ITPRIPL2: variants seen among roughly 807,000 people sequenced by gnomAD.
ITPRIPL2 encodes the protein ITPRIP like 2.
A neutral mutation model predicts 31.7 loss-of-function variants in ITPRIPL2; 29 were observed. That is an observed-to-expected ratio of 0.91 (90% confidence interval 0.68 to 1.25). The LOEUF is 1.25. ITPRIPL2 is among the 50% of genes most tolerant of loss of function. The pLI is 0.00. For missense variants in ITPRIPL2, 696 were observed against 739.1 expected (o/e 0.94, Z 0.68); for synonymous variants, 344 against 343.4 (o/e 1.00, Z -0.02).
rs904167973 is a variant in ITPRIPL2 at position 19,118,580 on chromosome 16, G to A, written c.*2511G>A. ...ATAAATCTGGTAACATACTGTTCTT[G>A]TAGTTTTTTGTTAGTTTTGTTTTTC... On this transcript the variant is annotated 3_prime_UTR_variant, in exon 1 of 1. Coordinates refer to ENST00000381440, the MANE Select transcript of ITPRIPL2 (RefSeq NM_001034841.4). 1 of 170,286 alleles carries A rather than the reference G, an allele frequency of 5.9e-6. No homozygotes were observed. The highest frequency in any genetic ancestry group is 1.4e-5 in the Non-Finnish European group (1 of 70,718). 10.5% of individuals were successfully genotyped at this position (170,286 alleles called of 1,614,324 possible).
At position 19,114,894 on chromosome 16, in the gene ITPRIPL2, G is replaced by A; in HGVS notation, c.433G>A (p.Gly145Arg). 6.2e-7 allele frequency: 1 copy of A among 1,609,534 alleles called. No individual in the cohort carries two copies. Among genetic ancestry groups the A allele is most frequent in the South Asian group, 1.1e-5 (1 of 90,858 alleles). Reference sequence around the variant, plus strand: ...CCGGGGGTCCCCCGGTCTCATTCCTGGGGGAGCGCTGGCCTTGGCCTTCCG... The same window carrying A: ...CCGGGGGTCCCCCGGTCTCATTCCTAGGGGAGCGCTGGCCTTGGCCTTCCG... ...RARGSPGLIP[G>R]GALALAFRGD... is the part of the protein sequence containing the mutation. The change falls in exon 1 of 1, where the codon GGG becomes AGG. Residue 145 changes from glycine to arginine, a missense_variant. Physicochemically the swap from Gly to Arg is moderately radical, Grantham distance 125. Transcript: ENST00000381440.
Position 19,119,133 on chromosome 16 carries a change from A to C in ITPRIPL2, c.*3064A>C. 2.4e-6 allele frequency: 1 copy of C among 413,406 alleles called. No homozygotes were observed. The highest frequency in any genetic ancestry group is 2.1e-5 in the African/African-American group (1 of 48,730). 25.6% of individuals were successfully genotyped at this position (413,406 alleles called of 1,614,324 possible). A position where few individuals can be genotyped will look rare whatever the true frequency, so the allele number is the denominator to read the frequency against. On this transcript the variant is annotated 3_prime_UTR_variant, in exon 1 of 1. Transcript: ENST00000381440. ...TGACCAGTCTTGGGAGCCTTCCTGG[A>C]ATGATCGTGGGCTGAGCGGAGATGT...
chr16:19,114,238 G>A lies in ITPRIPL2; in HGVS notation c.-224G>A. On this transcript the variant is annotated 5_prime_UTR_variant, in exon 1 of 1. Coordinates refer to ENST00000381440, the MANE Select transcript of ITPRIPL2 (RefSeq NM_001034841.4). ...GCGCAGCCGGGGCAGGGCGCGGCCC[G>A]GGGCCCGAGAGCGCAGGGCGGGCCG... The A allele has an allele frequency of 3.0e-6, 1 of 335,914 alleles. No homozygotes were observed. The allele number at this position is 335,914 out of a possible 1,614,324, so 20.8% of individuals were successfully genotyped here.
In ITPRIPL2 at chr16:19,116,825, A is replaced by G. The variant is rs1963450294; in HGVS notation, c.*756A>G. 1.2e-5 allele frequency: 2 copies of G among 167,120 alleles called. No homozygotes were observed. The highest frequency in any genetic ancestry group is 4.8e-5 in the African/African-American group (2 of 41,472). 10.4% of individuals were successfully genotyped at this position (167,120 alleles called of 1,614,324 possible). A position where few individuals can be genotyped will look rare whatever the true frequency, so the allele number is the denominator to read the frequency against. Reference sequence around the variant, plus strand: ...TCTGAAAGGGAAGCCAGTTATATTTATTATTAAATGTACAACCTTGAAAAG... The same window carrying G: ...TCTGAAAGGGAAGCCAGTTATATTTGTTATTAAATGTACAACCTTGAAAAG... On this transcript the variant is annotated 3_prime_UTR_variant, in exon 1 of 1. Transcript: ENST00000381440.
rs1567551163 is a variant in ITPRIPL2, at chr16:19,115,539, AG to A, written c.1079del (p.Ser360IlefsTer113). 5 of 1,602,690 alleles carry A rather than the reference AG, an allele frequency of 3.1e-6. No individual in the cohort carries two copies. The highest frequency in any genetic ancestry group is 4.2e-6 in the Non-Finnish European group (5 of 1,178,288). The part of the protein sequence containing the change: ...NTARQEQKLL[S>X]WLQERAAPGA... The stretch of plus-strand genomic sequence containing the variant: ...AGCACGCCAGGAGCAGAAGCTGCTG[AG>A]TTGGCTGCAGGAACGGGCAGCTCCA... On this transcript the variant is annotated frameshift_variant, in exon 1 of 1. Coordinates refer to ENST00000381440, the MANE Select transcript of ITPRIPL2 (RefSeq NM_001034841.4). LOFTEE classifies it high-confidence loss of function.
rs1171778577 is a variant in ITPRIPL2, at chr16:19,114,039, C to G, written c.-423C>G. On this transcript the variant is annotated 5_prime_UTR_variant, in exon 1 of 1. Transcript: ENST00000381440. ...CCGCTAGCTGGCGCGGCCTCGCCTCCCCCTCGGAAGAGGAAACTCCCGGGG... is the reference window on the plus strand; with the variant it reads ...CCGCTAGCTGGCGCGGCCTCGCCTCGCCCTCGGAAGAGGAAACTCCCGGGG... The G allele has an allele frequency of 2.5e-6, 1 of 397,662 alleles. No individual in the cohort carries two copies. The highest frequency in any genetic ancestry group is 4.4e-6 in the Non-Finnish European group (1 of 225,394). 24.6% of individuals were successfully genotyped at this position (397,662 alleles called of 1,614,324 possible). A position where few individuals can be genotyped will look rare whatever the true frequency, so the allele number is the denominator to read the frequency against.
chr16:19,114,225 C>T lies in ITPRIPL2; in HGVS notation c.-237C>T, dbSNP rs1054738344. ...GGCCGGACTCAGCGCGCAGCCGGGG[C>T]AGGGCGCGGCCCGGGGCCCGAGAGC... is the stretch of plus-strand genomic sequence containing the variant. On this transcript the variant is annotated 5_prime_UTR_variant, in exon 1 of 1. Transcript: ENST00000381440. 9.3e-6 allele frequency: 3 copies of T among 324,036 alleles called. No individual in the cohort carries two copies. The highest frequency in any genetic ancestry group is 1.7e-5 in the Non-Finnish European group (3 of 179,438). 20.1% of individuals were successfully genotyped at this position (324,036 alleles called of 1,614,324 possible). A position where few individuals can be genotyped will look rare whatever the true frequency, so the allele number is the denominator to read the frequency against.
chr16:19,114,534 T>C lies in ITPRIPL2; in HGVS notation c.73T>C (p.Cys25Arg), dbSNP rs1436166741. Residue 25 changes from cysteine (C) to arginine (R), a missense_variant, in exon 1 of 1, where the codon TGC (cysteine) becomes CGC (arginine). Transcript: ENST00000381440. ...GACCGGCCTGTGCACCGCCCTGGTG[T>C]GCCTCTACCATGTCCTGCGGGGAAG... ...LVTGLCTALV[C>R]LYHVLRGSGG... is the part of the protein sequence containing the mutation. 1.3e-6 allele frequency: 2 copies of C among 1,504,324 alleles called. No homozygotes were observed. The highest frequency in any genetic ancestry group is 2.2e-5 in the Admixed American group (1 of 44,824). 93.2% of individuals were successfully genotyped at this position (1,504,324 alleles called of 1,614,324 possible). A position where few individuals can be genotyped will look rare whatever the true frequency, so the allele number is the denominator to read the frequency against.
Position 19,119,530 on chromosome 16 carries a change from T to A in ITPRIPL2, c.*3461T>A, listed in dbSNP as rs1963487129. On this transcript the variant is annotated 3_prime_UTR_variant, in exon 1 of 1. Transcript: ENST00000381440. The stretch of plus-strand genomic sequence containing the variant: ...ATTTTTAAACAAGTAATTAAAAAAA[T>A]GTCCAAAACACCATGTGGGCCAAAC... The A allele has an allele frequency of 4.8e-5, 8 of 167,552 alleles. No homozygotes were observed. 10.4% of individuals were successfully genotyped at this position (167,552 alleles called of 1,614,324 possible).
rs541370056 is a variant in ITPRIPL2 at position 19,117,230 on chromosome 16, C to T, written c.*1161C>T. ...GCTGGGTCTCTAACCATTGATGGTT[C>T]TTCCTTGTCCAGGCAGTCTTACGTG... is the stretch of plus-strand genomic sequence containing the variant. On this transcript the variant is annotated 3_prime_UTR_variant, in exon 1 of 1. Coordinates refer to ENST00000381440, the MANE Select transcript of ITPRIPL2 (RefSeq NM_001034841.4). 1.8e-5 allele frequency: 3 copies of T among 167,268 alleles called. No homozygotes were observed. In the South Asian group the frequency reaches 6.2e-4, roughly 35 times the overall value. 10.4% of individuals were successfully genotyped at this position (167,268 alleles called of 1,614,324 possible). A position where few individuals can be genotyped will look rare whatever the true frequency, so the allele number is the denominator to read the frequency against.
Position 19,115,686 on chromosome 16 carries a change from A to ACAGTGCTGCTGG in ITPRIPL2, c.1237_1248dup (p.Ala413_Leu416dup). On this transcript the variant is annotated inframe_insertion, in exon 1 of 1. Coordinates refer to ENST00000381440, the MANE Select transcript of ITPRIPL2 (RefSeq NM_001034841.4). ...CATCCTATCCTCATATGTGCTCAAG[A>ACAGTGCTGCTGG]CAGTGCTGCTGGCAGTGCTGCTGCG... The ACAGTGCTGCTGG allele has an allele frequency of 1.9e-6, 3 of 1,612,786 alleles. No homozygotes were observed. Among genetic ancestry groups the ACAGTGCTGCTGG allele is most frequent in the Non-Finnish European group, 2.5e-6 (3 of 1,179,906 alleles).
chr16:19,119,021 T>C lies in ITPRIPL2; in HGVS notation c.*2952T>C, dbSNP rs1030732457. 2 of 413,342 alleles carry C rather than the reference T, an allele frequency of 4.8e-6. No homozygotes were observed. The highest frequency in any genetic ancestry group is 8.8e-6 in the Non-Finnish European group (2 of 226,136). 25.6% of individuals were successfully genotyped at this position (413,342 alleles called of 1,614,324 possible). Reference sequence around the variant, plus strand: ...AGTAACAACAGCAAAAAGAAAAAATTAGTTGTCCAGCCAGTGCTGGAGGAA... The same window carrying C: ...AGTAACAACAGCAAAAAGAAAAAATCAGTTGTCCAGCCAGTGCTGGAGGAA... On this transcript the variant is annotated 3_prime_UTR_variant, in exon 1 of 1. Transcript: ENST00000381440.
At position 19,120,323 on chromosome 16, in the gene ITPRIPL2, C is replaced by A. The variant is rs1441544788; in HGVS notation, c.*4254C>A. 1.3e-5 allele frequency: 2 copies of A among 157,918 alleles called. No individual in the cohort carries two copies. Among genetic ancestry groups the A allele is most frequent in the Non-Finnish European group, 2.9e-5 (2 of 68,166 alleles). The allele number at this position is 157,918 out of a possible 1,614,324, so 9.8% of individuals were successfully genotyped here. ...TCTTGAACTACTGGACTCAAGCCAT[C>A]CTCCCACCTCGGCCTCCCAAAGTGT... On this transcript the variant is annotated 3_prime_UTR_variant, in exon 1 of 1. Transcript: ENST00000381440.
rs747285336 is a variant in ITPRIPL2 at position 19,116,053 on chromosome 16, T to C, written c.1592T>C (p.Leu531Pro). The C allele has an allele frequency of 4.4e-6, 7 of 1,589,480 alleles. No individual in the cohort carries two copies. The highest frequency in any genetic ancestry group is 6.0e-6 in the Non-Finnish European group (7 of 1,165,248). Residue 531 changes from leucine to proline, a missense_variant, in exon 1 of 1, where the codon CTT (leucine) becomes CCT (proline). Physicochemically the swap from Leu to Pro is moderately conservative, Grantham distance 98 (BLOSUM62 -3). Coordinates refer to ENST00000381440, the MANE Select transcript of ITPRIPL2 (RefSeq NM_001034841.4). ...CGGAGTCAGCGCACCCAGGGCTTCC[T>C]TGAAGGTGAACCGTAAACCCTGACA... The part of the protein sequence containing the change: ...PPRSQRTQGF[L>P]EGEP
At position 19,118,528 on chromosome 16, in the gene ITPRIPL2, G is replaced by T. The variant is rs1024211584; in HGVS notation, c.*2459G>T. The T allele has an allele frequency of 3.6e-5, 6 of 166,324 alleles. No homozygotes were observed. Among genetic ancestry groups the T allele is most frequent in the Admixed American group, 1.3e-4 (2 of 15,194 alleles). 10.3% of individuals were successfully genotyped at this position (166,324 alleles called of 1,614,324 possible). On this transcript the variant is annotated 3_prime_UTR_variant, in exon 1 of 1. Transcript: ENST00000381440. ...GAAATATTTCTAGCAGTGTCAGTGA[G>T]TTCCTCTTTTAATAGTGTTTTAAAG... is the stretch of plus-strand genomic sequence containing the variant.
In ITPRIPL2 at chr16:19,120,040, A is replaced by G. The variant is rs894707160; in HGVS notation, c.*3971A>G. The stretch of plus-strand genomic sequence containing the variant: ...GATTGGTGGCTAGATTTGGGGTGCA[A>G]GCTTCTTAGGCTCATACCATTTCAA... On this transcript the variant is annotated 3_prime_UTR_variant, in exon 1 of 1. Coordinates refer to ENST00000381440, the MANE Select transcript of ITPRIPL2 (RefSeq NM_001034841.4). 1 of 167,056 alleles carries G rather than the reference A, an allele frequency of 6.0e-6. No individual in the cohort carries two copies. The highest frequency in any genetic ancestry group is 6.5e-5 in the Admixed American group (1 of 15,274). The allele number at this position is 167,056 out of a possible 1,614,324, so 10.3% of individuals were successfully genotyped here.
rs1223157568 is a variant in ITPRIPL2 at position 19,116,773 on chromosome 16, T to G, written c.*704T>G. On this transcript the variant is annotated 3_prime_UTR_variant, in exon 1 of 1. Transcript: ENST00000381440. ...TATATTGATCAATTCACTCATTTTG[T>G]GGTAATTGCTAGCACCAAGCATTGC... 6.0e-6 allele frequency: 1 copy of G among 167,094 alleles called. No homozygotes were observed. The highest frequency in any genetic ancestry group is 1.5e-5 in the Non-Finnish European group (1 of 68,124). The allele number at this position is 167,094 out of a possible 1,614,324, so 10.4% of individuals were successfully genotyped here.
chr16:19,114,221 G>A lies in ITPRIPL2; in HGVS notation c.-241G>A, dbSNP rs937280426. The A allele has an allele frequency of 7.4e-5, 24 of 322,886 alleles. No homozygotes were observed. Among genetic ancestry groups the A allele is most frequent in the African/African-American group, 4.6e-4 (21 of 45,952 alleles). 20.0% of individuals were successfully genotyped at this position (322,886 alleles called of 1,614,324 possible). A position where few individuals can be genotyped will look rare whatever the true frequency, so the allele number is the denominator to read the frequency against. On this transcript the variant is annotated 5_prime_UTR_variant, in exon 1 of 1. Coordinates refer to ENST00000381440, the MANE Select transcript of ITPRIPL2 (RefSeq NM_001034841.4). ...GCTGGGCCGGACTCAGCGCGCAGCCGGGGCAGGGCGCGGCCCGGGGCCCGA... is the reference window on the plus strand; with the variant it reads ...GCTGGGCCGGACTCAGCGCGCAGCCAGGGCAGGGCGCGGCCCGGGGCCCGA...
At position 19,116,048 on chromosome 16, in the gene ITPRIPL2, C is replaced by T. The variant is rs1963441093; in HGVS notation, c.1587C>T (p.Gly529=). 3 of 1,593,972 alleles carry T rather than the reference C, an allele frequency of 1.9e-6. No homozygotes were observed. Among genetic ancestry groups the T allele is most frequent in the South Asian group, 2.3e-5 (2 of 88,732 alleles). ...CACCCCGGAGTCAGCGCACCCAGGG[C>T]TTCCTTGAAGGTGAACCGTAAACCC... The part of the protein sequence containing the change: ...CPPPRSQRTQ[G]FLEGEP The change falls in exon 1 of 1, where the codon GGC becomes GGT. Residue 529 remains glycine (G), a synonymous_variant. Transcript: ENST00000381440.
Sources: gnomAD v4.1 joint callset for allele counts on GRCh38, gnomAD v4.1.1 for gene constraint, MANE v1.5 for transcripts, NCBI Gene and HGNC (gene_info 2026-07-23, HGNC 2026-07-21) for gene names.